The following HTT variants were observed in gnomAD, a reference collection of about 807,000 sequenced individuals.
HTT encodes huntington disease protein.
In HTT, 104 loss-of-function variants were observed where a neutral mutation model predicts 362.3. That is an observed-to-expected ratio of 0.29 (90% CI 0.24 to 0.34). HTT has a LOEUF of 0.34. HTT is among the 10% of genes least tolerant of loss of function. HTT has a pLI of 1.00. For missense variants in HTT, 3,301 were observed against 3,928.6 expected, an observed-to-expected ratio of 0.84 and a Z score of 4.27; for synonymous variants, 1,577 against 1,548.7, an observed-to-expected ratio of 1.02 and a Z score of -0.43.
Position 3,199,908 on chromosome 4 carries a change from C to T in HTT, c.5545C>T (p.Arg1849Cys), listed in dbSNP as rs1453298067. ...GCTGCTTGTCAACCACACCGACTAC[C>T]GCTGGTGGGCAGAAGTGCAGCAGAC... ...ILLLVNHTDYRWWAEVQQTPK... is the reference protein window; with the variant it reads ...ILLLVNHTDYCWWAEVQQTPK... Residue 1849 changes from arginine (R) to cysteine (C), a missense_variant, in exon 41 of 67, where the codon CGC becomes TGC. Arg to Cys is a radical substitution (Grantham distance 180). Coordinates refer to ENST00000355072, the MANE Select transcript of HTT (RefSeq NM_001388492.1). The T allele has an allele frequency of 1.7e-5, 28 of 1,613,920 alleles. No individual in the cohort carries two copies. Among genetic ancestry groups the T allele is most frequent in the Admixed American group, 3.3e-5 (2 of 59,994 alleles).
At chr4:3,075,134 C>G (rs13129112) in intron 1 of HTT, 46 bp downstream of exon 1, 1 of 1,209,890 alleles carries the variant, frequency 8.3e-7, no homozygotes, top group Non-Finnish European at 1.0e-6. Context: ...GGGTCCCAGG[C>G]TACGGCGGGG....
chr4:3,099,501 C>G, intron 3 of HTT, 107 bp downstream of exon 3: 1 of 1,471,280 alleles, frequency 6.8e-7, no homozygotes, highest in Non-Finnish European at 9.2e-7. Flanking sequence ...AGGATGTCTG[C>G]ACTTTTTTCC....
intron 51 of HTT, 24 bp downstream of exon 51, chr4:3,215,235 TC>T (rs1720341427): frequency 2.6e-6 from 4 of 1,560,206 alleles, no homozygotes; most frequent in African/African-American, 1.4e-5. Flanking sequence ...CCCATTTTTT[TC>T]TTACATGTTG....
chr4:3,172,190 T>G (rs758353097), intron 29 of HTT, 130 bp from the exon 30 acceptor site: 58 of 681,924 alleles, frequency 8.5e-5, no homozygotes, highest in Non-Finnish European at 1.5e-4. Flanking sequence ...ATTGAAAACT[T>G]TCCTCTGATT....
chr4:3,121,613 C>G (rs763971169), intron 9 of HTT, 181 bp downstream of exon 9: 1 of 523,298 alleles, frequency 1.9e-6, no homozygotes, highest in African/African-American at 1.9e-5. Context: ...TGGTGGCTCA[C>G]GCCTGTAATT....
intron 34 of HTT, 58 bp downstream of exon 34, chr4:3,177,445 T>G: frequency 8.6e-7 from 1 of 1,166,872 alleles, no homozygotes; most frequent in Non-Finnish European, 1.2e-6. Flanking sequence ...TACATGTAAT[T>G]TAGGTTATTA....
chr4:3,222,370 A>T lies in HTT; in HGVS notation c.7370-17A>T. On this transcript the variant is annotated splice_polypyrimidine_tract_variant and intron_variant, in intron 53 of 66. Transcript: ENST00000355072. Reference sequence around the variant, plus strand: ...GAGAAGGGTTGACACTCTCTCATGTAACATTTATATTTCTAGGCTGGACCA... The same window carrying T: ...GAGAAGGGTTGACACTCTCTCATGTTACATTTATATTTCTAGGCTGGACCA... 1 of 1,606,150 alleles carries T rather than the reference A, an allele frequency of 6.2e-7. No individual in the cohort carries two copies.
chr4:3,132,807 T>C lies in HTT; in HGVS notation c.2396-7T>C, dbSNP rs916915729. 9 of 1,613,554 alleles carry C rather than the reference T, an allele frequency of 5.6e-6. No individual in the cohort carries two copies. In the African/African-American group the frequency reaches 1.2e-4, roughly 22 times the overall value. On this transcript the variant is annotated splice_polypyrimidine_tract_variant and splice_region_variant and intron_variant, in intron 17 of 66. Coordinates refer to ENST00000355072, the MANE Select transcript of HTT (RefSeq NM_001388492.1). Reference sequence around the variant, plus strand: ...TGATGATGTTTGTTGCTTGTTCTTCTGGTTAGGAAATACATTTTCTTTGGC... The same window carrying C: ...TGATGATGTTTGTTGCTTGTTCTTCCGGTTAGGAAATACATTTTCTTTGGC...
intron 2 of HTT, among the ~76,000 whole-genome samples, chr4:3,097,031 A>G (rs2110153213): frequency 1.3e-5 from 2 of 152,170 alleles, no homozygotes; most frequent in East Asian, 3.9e-4. Flanking sequence ...AGGTGGGAGG[A>G]TTGCTTGAGT....
At chr4:3,092,293 T>A (rs990282288) in intron 2 of HTT, among the ~76,000 whole-genome samples, 3 of 152,220 alleles carry the variant, frequency 2.0e-5, no homozygotes, top group Admixed American at 6.5e-5. Context: ...GTGTTGGGAT[T>A]ACAGGTGTGA....
At chr4:3,237,895 GAA>G (rs1417630489) in intron 64 of HTT, among the ~76,000 whole-genome samples, 2 of 152,170 alleles carry the variant, frequency 1.3e-5, no homozygotes, top group East Asian at 3.9e-4. Flanking sequence ...GTGGTAACAA[GAA>G]AAAAGTCCTG....
At chr4:3,162,398 C>T (rs927698328) in intron 29 of HTT, among the ~76,000 whole-genome samples, 6 of 152,196 alleles carry the variant, frequency 3.9e-5, no homozygotes, top group African/African-American at 1.4e-4. Flanking sequence ...ATTGTCTTGG[C>T]TATGCAGGCT....
chr4:3,163,402 C>T (rs1163335598), intron 29 of HTT, among the ~76,000 whole-genome samples: 1 of 152,136 alleles, frequency 6.6e-6, no homozygotes. Flanking sequence ...TTTGTTGTGT[C>T]TCTGCCAGGC....
intron 56 of HTT, among the ~76,000 whole-genome samples, chr4:3,224,816 C>A (rs1720834250): frequency 6.6e-6 from 1 of 152,210 alleles, no homozygotes; most frequent in South Asian, 2.1e-4. Context: ...GTCTATGAGA[C>A]TCAAATGTTT....
At position 3,187,742 on chromosome 4, in the gene HTT, C is replaced by A. The variant is rs1028475846; in HGVS notation, c.5081C>A (p.Ser1694Tyr). 6.2e-7 allele frequency: 1 copy of A among 1,614,038 alleles called. No homozygotes were observed. The highest frequency in any genetic ancestry group is 1.1e-5 in the South Asian group (1 of 91,082). Reference sequence around the variant, plus strand: ...CAGTCAACTGAAGATATTGTTCTTTCTCGTATTCAGGAGCTCTCCTTCTCT... The same window carrying A: ...CAGTCAACTGAAGATATTGTTCTTTATCGTATTCAGGAGCTCTCCTTCTCT... ...ISQSTEDIVL[S>Y]RIQELSFSPY... Residue 1694 changes from serine (S) to tyrosine (Y), a missense_variant, in exon 39 of 67, where the codon TCT (serine) becomes TAT (tyrosine). Ser to Tyr is a moderately radical substitution (Grantham distance 144). This residue lies in a region of HTT where 2,316 missense variants were observed against 2,658.5 expected (regional missense o/e 0.87). Transcript: ENST00000355072.
chr4:3,221,812 T>G (rs564412206), intron 53 of HTT, among the ~76,000 whole-genome samples: 1 of 152,360 alleles, frequency 6.6e-6, no homozygotes, highest in Admixed American at 6.5e-5. Context: ...CGTTCCTACC[T>G]TGATACACTC....
Position 3,138,193 on chromosome 4 carries a change from GCCTGCCTT to G in HTT, c.2798+1871_2798+1878del, listed in dbSNP as rs1181265138. ...CCTTCCCCTTCCCGCCTGCCTGCCT[GCCTGCCTT>G]CCTTCCTTCCTTCCTTCGTTTCTTT... On this transcript the variant is annotated intron_variant, in intron 21 of 66. Transcript: ENST00000355072. Among the ~76,000 whole-genome samples, 65 of 142,772 alleles carry G rather than the reference GCCTGCCTT, an allele frequency of 4.6e-4. 1 individual carries two copies. The highest frequency in any genetic ancestry group is 1.5e-3 in the African/African-American group (57 of 37,826). 93.7% of individuals were successfully genotyped at this position (142,772 alleles called of 152,430 possible). A position where few individuals can be genotyped will look rare whatever the true frequency, so the allele number is the denominator to read the frequency against.
chr4:3,160,254 C>A (rs1289368531), intron 28 of HTT, 28 bp from the exon 29 acceptor site: 4 of 1,392,314 alleles, frequency 2.9e-6, no homozygotes, highest in Non-Finnish European at 4.0e-6. Flanking sequence ...GGCCAGTAAC[C>A]GTGTGTTCTC....
chr4:3,142,914 T>A, intron 23 of HTT, 28 bp downstream of exon 23: 1 of 1,604,126 alleles, frequency 6.2e-7, no homozygotes, highest in Non-Finnish European at 8.5e-7. Flanking sequence ...TCGGTCTTAC[T>A]GACATTGTAA....
Sources: gnomAD v4.1 joint callset for allele counts (sites outside exome capture counted in the v4.1 genomes callset) on GRCh38, gnomAD v4.1.1 for gene constraint, gnomAD v4.1.1 regional missense constraint, MANE v1.5 for transcripts, NCBI Gene and HGNC (gene_info 2026-07-23, HGNC 2026-07-21) for gene names.